Variants in NXPE2 observed in about 807,000 individuals in gnomAD.
NXPE2 encodes the protein NXPE family member 2.
Under a neutral mutation model 34.4 loss-of-function variants are expected in NXPE2, and 34 were observed. That is an observed-to-expected ratio of 0.99 (90% CI 0.75 to 1.31). NXPE2 has a LOEUF of 1.31. Ranked by LOEUF, NXPE2 falls within the 40% of genes most tolerant of loss-of-function variation. The probability of loss-of-function intolerance (pLI) is 0.00; values close to 1 mark genes in which losing one functional copy is unlikely to be tolerated. For missense variants in NXPE2, 649 were observed against 672.5 expected, an observed-to-expected ratio of 0.97 and a Z score of 0.39; for synonymous variants, 235 against 231.3, an observed-to-expected ratio of 1.02 and a Z score of -0.15.
At chr11:114,529,100 A>G in the NXPE2 span, 8 of 323,274 alleles carry the variant, frequency 2.5e-5, no homozygotes, top group East Asian at 4.7e-5. Context: ...AAGCTTATGG[A>G]AAAAAGACTC....
At chr11:114,651,349 G>C in the NXPE2 span, among the ~76,000 whole-genome samples, 1 of 151,664 alleles carries the variant, frequency 6.6e-6, no homozygotes, top group African/African-American at 2.4e-5. Flanking sequence ...GGCACGTCCG[G>C]AGTTGTTTGT....
chr11:114,758,698 G>C, the NXPE2 span, among the ~76,000 whole-genome samples: 2 of 151,816 alleles, frequency 1.3e-5, no homozygotes, highest in Non-Finnish European at 2.9e-5. Flanking sequence ...TCCTTCTAAG[G>C]CTCTGAGAGG....
chr11:114,809,712 C>G, the NXPE2 span, among the ~76,000 whole-genome samples: 17 of 144,668 alleles, frequency 1.2e-4, no homozygotes, highest in Admixed American at 1.2e-3. Flanking sequence ...AATGGAAGAA[C>G]ATTCCATGCT....
At chr11:114,714,968 C>T in the NXPE2 span, among the ~76,000 whole-genome samples, 2 of 152,084 alleles carry the variant, frequency 1.3e-5, no homozygotes. Flanking sequence ...TTGCAGTGAG[C>T]CAAGATCATG....
chr11:114,773,288 C>CCTCCG, the NXPE2 span, among the ~76,000 whole-genome samples: 1 of 95,908 alleles, frequency 1.0e-5, no homozygotes, highest in South Asian at 5.1e-4. Flanking sequence ...CACCCCCCCC[C>CCTCCG]CACCCCATTC....
the NXPE2 span, among the ~76,000 whole-genome samples, chr11:114,531,191 A>AT: frequency 5.3e-5 from 8 of 152,248 alleles, no homozygotes; most frequent in East Asian, 9.6e-4. Flanking sequence ...TTTTACCTCA[A>AT]TATTTTAGAG....
At chr11:114,773,288 C>CCCCCCCCCCCCCCCCCCCCCCCCCCG in the NXPE2 span, among the ~76,000 whole-genome samples, 2 of 95,870 alleles carry the variant, frequency 2.1e-5, no homozygotes, top group Non-Finnish European at 4.4e-5. Flanking sequence ...CACCCCCCCC[C>CCCCCCCCCCCCCCCCCCCCCCCCCCG]CACCCCATTC....
At chr11:114,730,350 T>G in the NXPE2 span, among the ~76,000 whole-genome samples, 1 of 152,166 alleles carries the variant, frequency 6.6e-6, no homozygotes, top group South Asian at 2.1e-4. Context: ...TCCGGTTGTG[T>G]TCTTTTTCTT....
the NXPE2 span, among the ~76,000 whole-genome samples, chr11:114,783,717 A>G: frequency 7.2e-5 from 11 of 152,262 alleles, no homozygotes; most frequent in African/African-American, 2.4e-4. Context: ...CCTTTCTTTG[A>G]GAAATTTCAT....
At chr11:114,632,109 TAA>T in the NXPE2 span, among the ~76,000 whole-genome samples, 2 of 144,584 alleles carry the variant, frequency 1.4e-5, no homozygotes. Flanking sequence ...ATGTAATATA[TAA>T]ATTATATATT....
chr11:114,799,481 G>A, the NXPE2 span, among the ~76,000 whole-genome samples: 2 of 152,172 alleles, frequency 1.3e-5, no homozygotes, highest in Non-Finnish European at 2.9e-5. Flanking sequence ...TGGTGATGAA[G>A]TGTGACCATT....
At chr11:114,580,427 A>T in the NXPE2 span, 6 of 1,038,668 alleles carry the variant, frequency 5.8e-6, no homozygotes, top group Non-Finnish European at 8.9e-6. Flanking sequence ...TAAGTATCCT[A>T]AGAGGGGGTA....
chr11:114,527,766 A>G, the NXPE2 span: 1 of 965,410 alleles, frequency 1.0e-6, no homozygotes, highest in East Asian at 2.6e-5. Flanking sequence ...CTCCAGGAGA[A>G]CTACAATTAT....
the NXPE2 span, among the ~76,000 whole-genome samples, chr11:114,668,182 T>C: frequency 6.6e-6 from 1 of 152,038 alleles, no homozygotes; most frequent in East Asian, 1.9e-4. Flanking sequence ...CTCTGTTTTG[T>C]GATTCTGTGG....
At chr11:114,613,393 C>T in the NXPE2 span, among the ~76,000 whole-genome samples, 1 of 151,072 alleles carries the variant, frequency 6.6e-6, no homozygotes, top group Admixed American at 6.6e-5. Context: ...AGTGTTGCCT[C>T]GTGGGTGGGT....
At chr11:114,638,432 A>G in the NXPE2 span, among the ~76,000 whole-genome samples, 4 of 151,874 alleles carry the variant, frequency 2.6e-5, no homozygotes, top group Non-Finnish European at 5.9e-5. Flanking sequence ...AGCTCAGAGT[A>G]GTTTGATTGT....
At chr11:114,776,423 A>G in the NXPE2 span, among the ~76,000 whole-genome samples, 1 of 152,282 alleles carries the variant, frequency 6.6e-6, no homozygotes, top group Admixed American at 6.5e-5. Flanking sequence ...CGTGAAGCGC[A>G]GGAAGTTAAG....
chr11:114,718,640 G>A, the NXPE2 span, among the ~76,000 whole-genome samples: 2 of 152,154 alleles, frequency 1.3e-5, no homozygotes, highest in African/African-American at 4.8e-5. Context: ...TTACACTTGA[G>A]GGGTCTGAAA....
the NXPE2 span, among the ~76,000 whole-genome samples, chr11:114,512,461 T>C: frequency 2.0e-5 from 3 of 151,908 alleles, no homozygotes; most frequent in African/African-American, 7.3e-5. Flanking sequence ...GCCACGTAAG[T>C]TTAATAAAGG....
Sources: allele counts gnomAD v4.1 joint callset (sites outside exome capture counted in the v4.1 genomes callset), GRCh38; gene constraint gnomAD v4.1.1; transcripts MANE v1.5; gene names NCBI Gene and HGNC (gene_info 2026-07-23, HGNC 2026-07-21).